The following ENTPD1 variants were observed in gnomAD, a reference collection of about 807,000 sequenced individuals.
The protein encoded by ENTPD1 is ectonucleoside triphosphate diphosphohydrolase 1.
ENTPD1 carries 33 observed loss-of-function variants against 57.0 expected under a neutral mutation model. The ratio of observed to expected loss-of-function variants is 0.58; its 90% CI spans 0.44 to 0.77. ENTPD1 has a LOEUF of 0.77. Among genes scored for constraint, ENTPD1 ranks in the 30% least tolerant of loss-of-function variants. The probability of loss-of-function intolerance (pLI) is 0.00; values close to 1 mark genes in which losing one functional copy is unlikely to be tolerated. For synonymous variants in ENTPD1, 202 were observed against 218.8 expected (o/e 0.92, Z 0.68); for missense variants, 501 against 603.4 (o/e 0.83, Z 1.78).
chr10:95,866,587 C>T lies in ENTPD1; in HGVS notation c.*204C>T, dbSNP rs536977291. The T allele has an allele frequency of 1.4e-5, 20 of 1,424,984 alleles. No homozygotes were observed. In the South Asian group the frequency reaches 2.6e-4, roughly 19 times the overall value. The allele number at this position is 1,424,984 out of a possible 1,614,324, so 88.3% of individuals were successfully genotyped here. On this transcript the variant is annotated 3_prime_UTR_variant, in exon 10 of 10. Transcript: ENST00000371205. The stretch of plus-strand genomic sequence containing the variant: ...TCAAGGACTTCGGCAGATACTGTCT[C>T]TTTCATGAGTTTTTCCCAGCTACAC...
chr10:95,694,421 T>A, the ENTPD1 span, among the ~76,000 whole-genome samples: 2,398 of 149,342 alleles, frequency 0.016, 64 homozygotes, highest in African/African-American at 0.055. Flanking sequence ...ATGGCTTTTT[T>A]AAAAAAAAAA....
intron 1 of ENTPD1, among the ~76,000 whole-genome samples, chr10:95,719,213 C>T (rs1566087620): frequency 6.6e-6 from 1 of 152,218 alleles, no homozygotes; most frequent in Non-Finnish European, 1.5e-5. Context: ...AAGCTGGTCT[C>T]TCGGACCTGT....
At position 95,866,389 on chromosome 10, in the gene ENTPD1, G is replaced by A. The variant is rs751472002; in HGVS notation, c.*6G>A. On this transcript the variant is annotated 3_prime_UTR_variant, in exon 10 of 10. Coordinates refer to ENST00000371205, the MANE Select transcript of ENTPD1 (RefSeq NM_001776.6). ...TCTGGAAAGATATGGTATAGCAAAAGCAGCTGAAATATGCTGGCTGGAGTG... is the reference window on the plus strand; with the variant it reads ...TCTGGAAAGATATGGTATAGCAAAAACAGCTGAAATATGCTGGCTGGAGTG... 6 of 1,613,970 alleles carry A rather than the reference G, an allele frequency of 3.7e-6. 1 individual carries two copies. The African/African-American group carries it at 8.0e-5, about 22-fold the overall frequency.
At chr10:95,820,109 T>C (rs2098343947) in intron 1 of ENTPD1, among the ~76,000 whole-genome samples, 1 of 152,184 alleles carries the variant, frequency 6.6e-6, no homozygotes, top group African/African-American at 2.4e-5. Flanking sequence ...CTCTAGCACC[T>C]CTTCTTTGGC....
At chr10:95,767,776 C>A (rs2098095717) in intron 1 of ENTPD1, among the ~76,000 whole-genome samples, 1 of 152,022 alleles carries the variant, frequency 6.6e-6, no homozygotes, top group South Asian at 2.1e-4. Context: ...AATATTCCTC[C>A]ATTGTCTTGA....
intron 2 of ENTPD1, among the ~76,000 whole-genome samples, chr10:95,832,816 G>C (rs1221573944): frequency 2.0e-5 from 3 of 152,134 alleles, no homozygotes; most frequent in African/African-American, 7.2e-5. Context: ...CTTAGAATAT[G>C]GTTGTGAGAA....
chr10:95,873,528 G>GA lies in ENTPD1; in HGVS notation c.*7148dup. The GA allele has an allele frequency of 1.0e-6, 1 of 985,416 alleles. No individual in the cohort carries two copies. Among genetic ancestry groups the GA allele is most frequent in the Non-Finnish European group, 1.2e-6 (1 of 829,956 alleles). The allele number at this position is 985,416 out of a possible 1,614,324, so 61.0% of individuals were successfully genotyped here. ...CCATGCTCTCAGTAGAGGCCCATAG[G>GA]AAAGAGTAGGTAGGTTATGCCAGCT... On this transcript the variant is annotated 3_prime_UTR_variant, in exon 10 of 10. Transcript: ENST00000371205.
In ENTPD1 at chr10:95,876,629, G is replaced by A; in HGVS notation, c.*10246G>A. 1 of 1,229,270 alleles carries A rather than the reference G, an allele frequency of 8.1e-7. No homozygotes were observed. The highest frequency in any genetic ancestry group is 1.0e-6 in the Non-Finnish European group (1 of 986,852). 76.1% of individuals were successfully genotyped at this position (1,229,270 alleles called of 1,614,324 possible). On this transcript the variant is annotated 3_prime_UTR_variant, in exon 10 of 10. Transcript: ENST00000371205. ...CTCCTGCAGTGAAGTCTGTTTGAAG[G>A]ATGTATTTGGCTGTCTTCTGGACAG...
Position 95,867,673 on chromosome 10 carries a change from C to A in ENTPD1, c.*1290C>A. On this transcript the variant is annotated 3_prime_UTR_variant, in exon 10 of 10. Transcript: ENST00000371205. ...CATGGAAACATGAAGAGACCCTGCA[C>A]CCCTTTCCTTAAGGATTGCTGCAAG... 7.1e-6 allele frequency: 7 copies of A among 985,424 alleles called. No homozygotes were observed. The highest frequency in any genetic ancestry group is 7.2e-6 in the Non-Finnish European group (6 of 829,952). The allele number at this position is 985,424 out of a possible 1,614,324, so 61.0% of individuals were successfully genotyped here.
intron 7 of ENTPD1, among the ~76,000 whole-genome samples, chr10:95,856,979 TA>T (rs1280618466): frequency 3.3e-5 from 5 of 152,110 alleles, no homozygotes; most frequent in Admixed American, 6.6e-5. Context: ...TTTTAACTTG[TA>T]TTATTTAAAT....
At chr10:95,727,153 G>A (rs370652118) in intron 1 of ENTPD1, among the ~76,000 whole-genome samples, 1 of 152,134 alleles carries the variant, frequency 6.6e-6, no homozygotes, top group East Asian at 1.9e-4. Context: ...CTAACATTTG[G>A]AGATTCACAG....
chr10:95,715,310 A>G (rs557824909), intron 1 of ENTPD1, among the ~76,000 whole-genome samples: 89 of 152,088 alleles, frequency 5.9e-4, no homozygotes, highest in Non-Finnish European at 8.4e-4. Flanking sequence ...TTTTATTATG[A>G]TTAGATGTCC....
intron 1 of ENTPD1, among the ~76,000 whole-genome samples, chr10:95,811,533 A>G (rs2098307593): frequency 6.6e-6 from 1 of 152,134 alleles, no homozygotes; most frequent in African/African-American, 2.4e-5. Context: ...GACCACAAGC[A>G]CACGCCACCA....
intron 1 of ENTPD1, among the ~76,000 whole-genome samples, chr10:95,712,977 C>T (rs541998523): frequency 4.7e-5 from 7 of 150,292 alleles, no homozygotes; most frequent in African/African-American, 9.8e-5. Flanking sequence ...GAGCTTGCAG[C>T]GAGCAGAGAT....
intron 1 of ENTPD1, among the ~76,000 whole-genome samples, chr10:95,757,634 T>C (rs956494300): frequency 1.3e-5 from 2 of 152,144 alleles, no homozygotes; most frequent in Admixed American, 1.3e-4. Flanking sequence ...ATTGTTATTA[T>C]GGTCTTTTGC....
chr10:95,737,405 G>A (rs1460259864), intron 1 of ENTPD1, among the ~76,000 whole-genome samples: 5 of 149,664 alleles, frequency 3.3e-5, no homozygotes, highest in Non-Finnish European at 5.9e-5. Context: ...TTTTTTTTGA[G>A]ATGGAATCTT....
chr10:95,829,967 C>T (rs1273276209), intron 2 of ENTPD1, among the ~76,000 whole-genome samples: 2 of 152,058 alleles, frequency 1.3e-5, no homozygotes, highest in East Asian at 3.9e-4. Context: ...TCTCAGTATG[C>T]CCCCTTTGCC....
intron 1 of ENTPD1, among the ~76,000 whole-genome samples, chr10:95,713,452 C>T (rs2097968115): frequency 6.6e-6 from 1 of 152,156 alleles, no homozygotes; most frequent in Non-Finnish European, 1.5e-5. Flanking sequence ...AATTAAAATG[C>T]AAAAATCTAA....
chr10:95,821,693 T>G (rs1237485059), intron 1 of ENTPD1, among the ~76,000 whole-genome samples: 1 of 152,210 alleles, frequency 6.6e-6, no homozygotes, highest in Non-Finnish European at 1.5e-5. Context: ...AAACTTTTTC[T>G]CCTAAATTTT....
Sources: allele counts gnomAD v4.1 joint callset (sites outside exome capture counted in the v4.1 genomes callset), GRCh38; gene constraint gnomAD v4.1.1; transcripts MANE v1.5; gene names NCBI Gene and HGNC (gene_info 2026-07-23, HGNC 2026-07-21).